Variants in ADAR observed in about 807,000 individuals in gnomAD.
ADAR encodes the protein adenosine deaminase RNA specific.
ADAR carries 41 observed loss-of-function variants against 113.2 expected under a neutral mutation model. The observed-to-expected ratio is 0.36, with a 90% CI of 0.28 to 0.47. The LOEUF is 0.47. Among genes scored for constraint, ADAR ranks in the 20% least tolerant of loss-of-function variants. The pLI is 1.00. For synonymous variants in ADAR, 605 were observed against 572.6 expected (o/e 1.06, Z -0.81); for missense variants, 1,242 against 1,540.9 (o/e 0.81, Z 3.25).
upstream of ADAR, among the ~76,000 whole-genome samples, chr1:154,612,741 T>C (rs139149916): frequency 2.5e-3 from 388 of 152,278 alleles, 4 homozygotes; most frequent in Non-Finnish European, 1.4e-3. Context: ...TTTGTTATCG[T>C]TGTTTCTCCT....
chr1:154,585,072 C>G, intron 14 of ADAR, 29 bp from the exon 15 acceptor site: 1 of 1,612,718 alleles, frequency 6.2e-7, no homozygotes, highest in Non-Finnish European at 8.5e-7. Context: ...TCATTATTCA[C>G]CTGGGACCTG....
chr1:154,602,770 G>A lies in ADAR; in HGVS notation c.16-144C>T, dbSNP rs2101646887. 3 of 1,017,942 alleles carry A rather than the reference G, an allele frequency of 2.9e-6. No homozygotes were observed. In the East Asian group the frequency reaches 7.8e-5, roughly 26 times the overall value. The allele number at this position is 1,017,942 out of a possible 1,614,324, so 63.1% of individuals were successfully genotyped here. ...CATGGGCTTATGACTTGGCTAGGGT[G>A]ACTTGCCTACCTCCTAAATCCTGCC... On this transcript the variant is annotated intron_variant, in intron 1 of 14. Coordinates refer to ENST00000368474, the MANE Select transcript of ADAR (RefSeq NM_001111.5).
intron 6 of ADAR, among the ~76,000 whole-genome samples, chr1:154,596,329 G>A (rs576735395): frequency 4.9e-4 from 70 of 143,540 alleles, no homozygotes; most frequent in Non-Finnish European, 5.9e-4. Context: ...TGCAACCTCC[G>A]CCTCCCAGCT....
At position 154,614,102 on chromosome 1, in the gene ADAR, A is replaced by C. The variant is rs144058448; in HGVS notation, c.-870-11476T>G. Reference sequence around the variant, plus strand: ...GATATAACATTTGCAATAATATTACATATGTAAAATAATACTAATAATAAT... The same window carrying C: ...GATATAACATTTGCAATAATATTACCTATGTAAAATAATACTAATAATAAT... On this transcript the variant is annotated intron_variant, in intron 1 of 14. Coordinates refer to the ADAR transcript ENST00000368471. 2.6e-3 allele frequency among the ~76,000 whole-genome samples: 393 copies of C among 152,320 alleles called. 2 individuals carry two copies. The highest frequency in any genetic ancestry group is 9.0e-3 in the African/African-American group (375 of 41,566).
At chr1:154,611,257 A>C (rs1698478188), upstream of ADAR, among the ~76,000 whole-genome samples, 2 of 152,134 alleles carry the variant, frequency 1.3e-5, no homozygotes, top group Non-Finnish European at 2.9e-5. Flanking sequence ...TGCTCCCCCC[A>C]CCCCTTTTAA....
rs187385679 is a variant in ADAR at position 154,600,891 on chromosome 1, C to A, written c.1601+150G>T. 933 of 1,099,784 alleles carry A rather than the reference C, an allele frequency of 8.5e-4. 1 individual carries two copies. The highest frequency in any genetic ancestry group is 1.2e-3 in the Non-Finnish European group (890 of 734,796). 68.1% of individuals were successfully genotyped at this position (1,099,784 alleles called of 1,614,324 possible). On this transcript the variant is annotated intron_variant, in intron 2 of 14. Transcript: ENST00000368474. The stretch of plus-strand genomic sequence containing the variant: ...CCCTGCTCAATATCTGGAGAAAGGG[C>A]CAATCAAGGGGAATTTAGCTAAAAG...
intron 1 of ADAR, among the ~76,000 whole-genome samples, chr1:154,603,320 G>C (rs1345427834): frequency 6.6e-6 from 1 of 152,154 alleles, no homozygotes; most frequent in Non-Finnish European, 1.5e-5. Flanking sequence ...CATCCCAGGA[G>C]GATCAGAATT....
intron 1 of ADAR, among the ~76,000 whole-genome samples, chr1:154,616,741 G>A (rs993315710): frequency 3.3e-5 from 5 of 152,178 alleles, no homozygotes; most frequent in African/African-American, 1.2e-4. Context: ...ACTGAAAAAC[G>A]CAACATGCGC....
rs143169687 is a variant in ADAR at position 154,613,630 on chromosome 1, C to T, written c.-870-11004G>A. ...CAAGAAAGCAAGAAATGTGGCCAGG[C>T]GCGGTGGCTCATGCCTGTAATCCCA... is the stretch of plus-strand genomic sequence containing the variant. On this transcript the variant is annotated intron_variant, in intron 1 of 14. Transcript: ENST00000368471. 9.7e-3 allele frequency among the ~76,000 whole-genome samples: 1,480 copies of T among 152,062 alleles called. 23 individuals are homozygous for T. The highest frequency in any genetic ancestry group is 0.033 in the African/African-American group (1,375 of 41,496).
chr1:154,588,782 GA>G lies in ADAR; in HGVS notation c.2763-110del, dbSNP rs113280842. ...AGTAAGGAAAAGTCTCAATGTTGCA[GA>G]CGTTTCACAGTTTATCAGGTGGAAA... On this transcript the variant is annotated intron_variant, in intron 9 of 14. Coordinates refer to ENST00000368474, the MANE Select transcript of ADAR (RefSeq NM_001111.5). 4.5e-5 allele frequency: 67 copies of G among 1,481,644 alleles called. 1 individual carries two copies. The African/African-American group carries it at 5.7e-4, about 13-fold the overall frequency. 91.8% of individuals were successfully genotyped at this position (1,481,644 alleles called of 1,614,324 possible).
At chr1:154,625,876 C>T (rs1024192939) in intron 1 of ADAR, among the ~76,000 whole-genome samples, 2 of 151,882 alleles carry the variant, frequency 1.3e-5, no homozygotes, top group Non-Finnish European at 2.9e-5. Flanking sequence ...TGGTGGCATG[C>T]TCCTGTAATC....
At chr1:154,619,191 T>C (rs548283655) in intron 1 of ADAR, among the ~76,000 whole-genome samples, 1 of 152,314 alleles carries the variant, frequency 6.6e-6, no homozygotes, top group East Asian at 1.9e-4. Context: ...TCTGTCCACT[T>C]TCCTAAGAAG....
chr1:154,594,110 G>A (rs1697339546), intron 6 of ADAR, among the ~76,000 whole-genome samples: 1 of 152,174 alleles, frequency 6.6e-6, no homozygotes, highest in Admixed American at 6.5e-5. Context: ...TCAAATTACT[G>A]AGCTCAAATG....
chr1:154,598,021 C>A (rs368360772), intron 3 of ADAR, 45 bp from the exon 4 acceptor site: 33 of 1,592,174 alleles, frequency 2.1e-5, no homozygotes, highest in Non-Finnish European at 2.8e-5. Flanking sequence ...TAAGAAAACA[C>A]TGGTTAGTCC....
chr1:154,600,803 C>G, intron 2 of ADAR: 2 of 601,176 alleles, frequency 3.3e-6, no homozygotes, highest in South Asian at 2.0e-5. Flanking sequence ...AGCTTCATTA[C>G]AGCCAACAGA....
chr1:154,604,079 T>C (rs1229254618), intron 1 of ADAR, among the ~76,000 whole-genome samples: 1 of 152,192 alleles, frequency 6.6e-6, no homozygotes, highest in Non-Finnish European at 1.5e-5. Flanking sequence ...CTGCAACTCT[T>C]TTCCAGTGGC....
At chr1:154,606,432 A>G (rs2101660996) in intron 1 of ADAR, among the ~76,000 whole-genome samples, 1 of 152,340 alleles carries the variant, frequency 6.6e-6, no homozygotes, top group Non-Finnish European at 1.5e-5. Context: ...AAGTTGTAGA[A>G]TAGTATGTAC....
At position 154,583,789 on chromosome 1, in the gene ADAR, C is replaced by T. The variant is rs978143616; in HGVS notation, c.*1017G>A. 1.4e-4 allele frequency: 21 copies of T among 152,172 alleles called. No individual in the cohort carries two copies. The highest frequency in any genetic ancestry group is 3.9e-4 in the African/African-American group (16 of 41,432). 9.4% of individuals were successfully genotyped at this position (152,172 alleles called of 1,614,324 possible). ...GTCACTGTCATGAGAGATATTACAC[C>T]GGGTGGAACAGTGACGTTAAGCCAA... On this transcript the variant is annotated 3_prime_UTR_variant, in exon 15 of 15. Coordinates refer to ENST00000368474, the MANE Select transcript of ADAR (RefSeq NM_001111.5).
upstream of ADAR, chr1:154,608,266 C>G: frequency 2.0e-6 from 1 of 502,972 alleles, no homozygotes; most frequent in Non-Finnish European, 3.5e-6. Flanking sequence ...AATCTTGCGC[C>G]ACGCTTGGTT....
Sources: gnomAD v4.1 joint callset for allele counts (sites outside exome capture counted in the v4.1 genomes callset) on GRCh38, gnomAD v4.1.1 for gene constraint, MANE v1.5 for transcripts, NCBI Gene and HGNC (gene_info 2026-07-23, HGNC 2026-07-21) for gene names.